The following ASTN2 variants were observed in gnomAD, a reference collection of about 807,000 sequenced individuals.
ASTN2 encodes the protein astrotactin 2.
ASTN2 carries 54 observed loss-of-function variants against 139.8 expected under a neutral mutation model. That is an observed-to-expected ratio of 0.39 (90% CI 0.31 to 0.48). The LOEUF (loss-of-function observed/expected upper bound fraction) is 0.48, where lower values mean the gene tolerates loss of function less well. Among genes scored for constraint, ASTN2 ranks in the 20% least tolerant of loss-of-function variants. ASTN2 has a pLI of 0.95. For synonymous variants in ASTN2, 756 were observed against 719.5 expected (o/e 1.05, Z -0.81); for missense variants, 1,565 against 1,725.1 (o/e 0.91, Z 1.64).
intron 2 of ASTN2, among the ~76,000 whole-genome samples, chr9:117,228,397 G>A (rs939179537): frequency 5.3e-5 from 8 of 152,040 alleles, no homozygotes; most frequent in Admixed American, 5.2e-4. Flanking sequence ...TCTCTTAGAG[G>A]CATTGTTTTG....
At chr9:117,076,519 C>T (rs1231027558) in intron 5 of ASTN2, among the ~76,000 whole-genome samples, 1 of 151,984 alleles carries the variant, frequency 6.6e-6, no homozygotes, top group African/African-American at 2.4e-5. Context: ...CAAGGAGAAA[C>T]CATCAGAAGG....
In ASTN2 at chr9:116,531,814, C is replaced by T. The variant is rs1433339532; in HGVS notation, c.3356-44314G>A. Among the ~76,000 whole-genome samples the T allele has an allele frequency of 3.9e-5, 6 of 152,170 alleles. 1 individual carries two copies. The highest frequency in any genetic ancestry group is 4.4e-5 in the Non-Finnish European group (3 of 68,010). On this transcript the variant is annotated intron_variant, in intron 19 of 22. Transcript: ENST00000313400. ...AAGTCTTTGCTATTGTAAATAGTGC[C>T]GCAGAAAACATACGTGTGCATGTGT...
chr9:117,200,110 TA>T (rs1483172162), intron 3 of ASTN2, among the ~76,000 whole-genome samples: 6 of 151,686 alleles, frequency 4.0e-5, no homozygotes, highest in Admixed American at 6.6e-5. Flanking sequence ...CTTTAAGTTT[TA>T]GGGTACATGT....
intron 13 of ASTN2, among the ~76,000 whole-genome samples, chr9:116,766,151 C>T (rs915774551): frequency 3.9e-5 from 6 of 152,076 alleles, no homozygotes; most frequent in Admixed American, 3.3e-4. Flanking sequence ...ATAGGGCAGA[C>T]ATCCTATACA....
rs138246660 is a variant in ASTN2, at chr9:116,551,514, G to A, written c.3356-64014C>T. On this transcript the variant is annotated intron_variant, in intron 19 of 22. Transcript: ENST00000313400. ...AGCTCCTGCCCTTCCTGACTCCTTG[G>A]GACTCAGTTCTATCAGTTACTGTAT... Among the ~76,000 whole-genome samples the A allele has an allele frequency of 8.4e-3, 1,271 of 152,162 alleles. 6 individuals are homozygous for A. The highest frequency in any genetic ancestry group is 0.014 in the Non-Finnish European group (983 of 67,992).
At chr9:117,295,018 A>G (rs1834693564) in intron 1 of ASTN2, among the ~76,000 whole-genome samples, 1 of 152,212 alleles carries the variant, frequency 6.6e-6, no homozygotes, top group African/African-American at 2.4e-5. Context: ...TTTCTACAGC[A>G]GTTATCATGA....
intron 19 of ASTN2, among the ~76,000 whole-genome samples, chr9:116,527,587 G>A (rs1229940023): frequency 1.3e-5 from 2 of 152,186 alleles, no homozygotes; most frequent in Non-Finnish European, 1.5e-5. Context: ...AAAGCAGCAT[G>A]AGAATTCATC....
intron 20 of ASTN2, among the ~76,000 whole-genome samples, chr9:116,484,217 G>A (rs1240825523): frequency 6.6e-6 from 1 of 152,210 alleles, no homozygotes; most frequent in Non-Finnish European, 1.5e-5. Context: ...ACGTCCTGCA[G>A]GCTGCCTATA....
intron 13 of ASTN2, among the ~76,000 whole-genome samples, chr9:116,794,320 A>C (rs1830635721): frequency 6.6e-6 from 1 of 151,766 alleles, no homozygotes; most frequent in African/African-American, 2.4e-5. Flanking sequence ...CTGGTCTCGA[A>C]CTCCTGACCT....
chr9:116,990,887 G>C (rs951869293), intron 7 of ASTN2, among the ~76,000 whole-genome samples: 2 of 152,134 alleles, frequency 1.3e-5, no homozygotes, highest in East Asian at 3.9e-4. Context: ...CTGGCCATTG[G>C]AGAGTGTGAT....
chr9:116,570,689 G>A (rs1420095600), intron 19 of ASTN2, among the ~76,000 whole-genome samples: 2 of 152,296 alleles, frequency 1.3e-5, no homozygotes, highest in African/African-American at 2.4e-5. Context: ...GAGCCACCGC[G>A]CCCGGCTGAG....
intron 10 of ASTN2, among the ~76,000 whole-genome samples, chr9:116,934,681 T>C (rs1184949812): frequency 6.6e-6 from 1 of 152,162 alleles, no homozygotes; most frequent in Non-Finnish European, 1.5e-5. Context: ...GCTTAATACC[T>C]GGGTAATAAA....
At chr9:117,204,360 CTTGAT>C (rs1165346755) in intron 3 of ASTN2, among the ~76,000 whole-genome samples, 2 of 152,180 alleles carry the variant, frequency 1.3e-5, no homozygotes, top group African/African-American at 4.8e-5. Flanking sequence ...CCCTGGCTGC[CTTGAT>C]TTATCTTGAT....
At chr9:116,476,119 A>G (rs1351215564) in intron 20 of ASTN2, among the ~76,000 whole-genome samples, 1 of 152,164 alleles carries the variant, frequency 6.6e-6, no homozygotes, top group Non-Finnish European at 1.5e-5. Flanking sequence ...AGGCTCTTGG[A>G]AAGAATCCTT....
At chr9:116,642,146 C>CAAAAA (rs59895161) in intron 17 of ASTN2, among the ~76,000 whole-genome samples, 1 of 120,358 alleles carries the variant, frequency 8.3e-6, no homozygotes, top group African/African-American at 3.2e-5. Context: ...AAAAAAAAAA[C>CAAAAA]AAAAAAAAAC....
At chr9:117,200,676 A>T (rs1024847510) in intron 3 of ASTN2, among the ~76,000 whole-genome samples, 1 of 152,096 alleles carries the variant, frequency 6.6e-6, no homozygotes, top group African/African-American at 2.4e-5. Context: ...ATTAATTTTC[A>T]TATGTTGAAC....
intron 11 of ASTN2, among the ~76,000 whole-genome samples, chr9:116,850,828 C>A (rs575677628): frequency 6.6e-6 from 1 of 151,062 alleles, no homozygotes; most frequent in Non-Finnish European, 1.5e-5. Flanking sequence ...AAGAGAGAAG[C>A]AGCAGCCCAA....
intron 19 of ASTN2, among the ~76,000 whole-genome samples, chr9:116,533,262 T>C (rs1279014953): frequency 6.6e-6 from 1 of 152,234 alleles, no homozygotes; most frequent in East Asian, 1.9e-4. Context: ...GATTTTGGGC[T>C]GAGACAATGG....
chr9:117,260,207 C>G (rs1833789100), intron 2 of ASTN2, among the ~76,000 whole-genome samples: 1 of 152,152 alleles, frequency 6.6e-6, no homozygotes, highest in African/African-American at 2.4e-5. Flanking sequence ...ATGCAATGCA[C>G]TAAGACCACA....
Sources: gnomAD v4.1 joint callset for allele counts (sites outside exome capture counted in the v4.1 genomes callset) on GRCh38, gnomAD v4.1.1 for gene constraint, MANE v1.5 for transcripts, NCBI Gene and HGNC (gene_info 2026-07-23, HGNC 2026-07-21) for gene names.